Variants in CCDC178 observed in about 807,000 individuals in gnomAD.
CCDC178 encodes coiled-coil domain containing 178.
CCDC178 carries 126 observed loss-of-function variants against 117.4 expected under a neutral mutation model. That is an observed-to-expected ratio of 1.07 (90% CI 0.93 to 1.24). CCDC178 has a LOEUF of 1.24. Ranked by LOEUF, CCDC178 falls within the 50% of genes most tolerant of loss-of-function variation. The pLI is 0.00. For synonymous variants in CCDC178, 283 were observed against 313.4 expected, an observed-to-expected ratio of 0.90 and a Z score of 1.02; for missense variants, 1,030 against 986.9, an observed-to-expected ratio of 1.04 and a Z score of -0.59.
intron 20 of CCDC178, among the ~76,000 whole-genome samples, chr18:33,147,970 C>A (rs1040003656): frequency 6.6e-6 from 1 of 151,528 alleles, no homozygotes; most frequent in African/African-American, 2.4e-5. Context: ...ACCTCCCGGA[C>A]GGGGCGGCGG....
At chr18:33,004,286 G>C (rs899404906) in intron 21 of CCDC178, among the ~76,000 whole-genome samples, 1 of 151,832 alleles carries the variant, frequency 6.6e-6, no homozygotes, top group Non-Finnish European at 1.5e-5. Context: ...TTAAACAGCA[G>C]ACAGGTAGAC....
intron 18 of CCDC178, among the ~76,000 whole-genome samples, chr18:33,216,304 G>GAT (rs984346723): frequency 1.4e-4 from 21 of 151,992 alleles, no homozygotes; most frequent in African/African-American, 4.3e-4. Context: ...GGCGGACAAG[G>GAT]ATATATATAT....
intron 12 of CCDC178, among the ~76,000 whole-genome samples, chr18:33,280,147 C>G (rs890050623): frequency 1.3e-5 from 2 of 151,474 alleles, no homozygotes; most frequent in East Asian, 3.9e-4. Flanking sequence ...AAAGAAACTA[C>G]CATCAGAGTG....
At chr18:33,156,014 A>AT (rs1216823590) in intron 20 of CCDC178, among the ~76,000 whole-genome samples, 1 of 151,396 alleles carries the variant, frequency 6.6e-6, no homozygotes, top group Non-Finnish European at 1.5e-5. Flanking sequence ...AAAAAAAAAA[A>AT]GCAGGTTACT....
chr18:33,391,656 A>G (rs1469264500), intron 4 of CCDC178, among the ~76,000 whole-genome samples: 3 of 152,178 alleles, frequency 2.0e-5, no homozygotes, highest in African/African-American at 2.4e-5. Context: ...TATATTTCCA[A>G]ATAACAAATG....
chr18:33,421,136 T>A (rs2064019157), intron 2 of CCDC178, among the ~76,000 whole-genome samples: 1 of 152,184 alleles, frequency 6.6e-6, no homozygotes, highest in Non-Finnish European at 1.5e-5. Flanking sequence ...GGGAAGAGTT[T>A]CCAGGCATTG....
intron 20 of CCDC178, among the ~76,000 whole-genome samples, chr18:33,116,228 C>T (rs2057854243): frequency 6.6e-6 from 1 of 152,106 alleles, no homozygotes; most frequent in South Asian, 2.1e-4. Context: ...AGATTTGGGT[C>T]ATAACTGTGG....
rs564229115 is a variant in CCDC178 at position 33,189,225 on chromosome 18, G to A, written c.2238+22671C>T. On this transcript the variant is annotated intron_variant, in intron 20 of 22. Transcript: ENST00000383096. ...AGAAACCCCATGGAAATGAAGATTT[G>A]TGTCATCTGCATAGACAAGCAACAA... Among the ~76,000 whole-genome samples, 38 of 152,254 alleles carry A rather than the reference G, an allele frequency of 2.5e-4. 2 individuals carry two copies. The highest frequency in any genetic ancestry group is 1.0e-3 in the South Asian group (5 of 4,824).
chr18:33,279,992 A>G (rs566339234), intron 12 of CCDC178, among the ~76,000 whole-genome samples: 7 of 152,002 alleles, frequency 4.6e-5, no homozygotes, highest in Admixed American at 4.6e-4. Context: ...CTAAAACCAT[A>G]AAAACCCTAG....
chr18:33,440,696 C>T lies in CCDC178; in HGVS notation c.-186G>A. On this transcript the variant is annotated 5_prime_UTR_variant, in exon 1 of 23. Transcript: ENST00000383096. ...CGCGCGTCTCCCGGACCCGCGCCTG[C>T]CCACCCCTCCGGCTCTGCTGCGGTC... 6.5e-6 allele frequency: 1 copy of T among 152,846 alleles called. No homozygotes were observed. The highest frequency in any genetic ancestry group is 1.8e-4 in the South Asian group (1 of 5,596). 9.5% of individuals were successfully genotyped at this position (152,846 alleles called of 1,614,324 possible).
chr18:33,408,099 T>C (rs1316276522), intron 3 of CCDC178, among the ~76,000 whole-genome samples: 1 of 151,812 alleles, frequency 6.6e-6, no homozygotes, highest in African/African-American at 2.4e-5. Context: ...TTAAAAGTTG[T>C]AAATCCATGT....
chr18:33,158,727 A>C (rs763829358), intron 20 of CCDC178, among the ~76,000 whole-genome samples: 1 of 152,102 alleles, frequency 6.6e-6, no homozygotes, highest in Non-Finnish European at 1.5e-5. Flanking sequence ...AAGGAGTAGG[A>C]ATTACAATGT....
intron 11 of CCDC178, among the ~76,000 whole-genome samples, chr18:33,310,629 T>C (rs1437586378): frequency 2.0e-5 from 3 of 152,056 alleles, no homozygotes; most frequent in Non-Finnish European, 4.4e-5. Context: ...GAGGTTGCAG[T>C]GAGCTGAGAT....
chr18:32,950,069 C>T (rs2054446942), intron 22 of CCDC178, among the ~76,000 whole-genome samples: 1 of 152,118 alleles, frequency 6.6e-6, no homozygotes, highest in African/African-American at 2.4e-5. Context: ...CAACCAGATA[C>T]TATTTCCACT....
At chr18:32,978,447 C>T (rs567735028) in intron 21 of CCDC178, among the ~76,000 whole-genome samples, 1 of 151,884 alleles carries the variant, frequency 6.6e-6, no homozygotes, top group South Asian at 2.1e-4. Flanking sequence ...ATAGGTATGA[C>T]AACAATTATT....
chr18:33,356,104 A>G (rs991595549), intron 7 of CCDC178, among the ~76,000 whole-genome samples: 1 of 152,182 alleles, frequency 6.6e-6, no homozygotes, highest in African/African-American at 2.4e-5. Context: ...TGCAAATTTT[A>G]TAGTTGTTTT....
At chr18:33,061,920 T>C (rs921864778) in intron 21 of CCDC178, among the ~76,000 whole-genome samples, 3 of 152,200 alleles carry the variant, frequency 2.0e-5, no homozygotes, top group Non-Finnish European at 4.4e-5. Context: ...AGCTGTCTCA[T>C]GGACAAGTAA....
upstream of CCDC178, chr18:33,440,830 C>G (rs546094335): frequency 1.3e-3 from 197 of 153,486 alleles, 1 homozygote; most frequent in African/African-American, 4.4e-3. Context: ...GCCCTTAGCC[C>G]CCGACTCCCG....
chr18:33,164,689 C>A (rs558393936), intron 20 of CCDC178, among the ~76,000 whole-genome samples: 1 of 151,212 alleles, frequency 6.6e-6, no homozygotes, highest in Admixed American at 6.6e-5. Flanking sequence ...GATGGATTCT[C>A]TTATCTGCTT....
Sources: gnomAD v4.1 joint callset for allele counts (sites outside exome capture counted in the v4.1 genomes callset) on GRCh38, gnomAD v4.1.1 for gene constraint, MANE v1.5 for transcripts, NCBI Gene and HGNC (gene_info 2026-07-23, HGNC 2026-07-21) for gene names.